The following PCDHGA3 variants were observed in gnomAD, a reference collection of about 807,000 sequenced individuals.
The protein encoded by PCDHGA3 is protocadherin gamma subfamily A, 3, also known as protocadherin gamma-A3.
A neutral mutation model predicts 58.5 loss-of-function variants in PCDHGA3; 40 were observed. That is an observed-to-expected ratio of 0.68 (90% confidence interval 0.53 to 0.89). The LOEUF (loss-of-function observed/expected upper bound fraction) is 0.89. Ranked by LOEUF, PCDHGA3 falls within the 40% of genes least tolerant of loss-of-function variation. PCDHGA3 has a pLI of 0.00. For missense variants in PCDHGA3, 1,223 were observed against 1,195.9 expected, an observed-to-expected ratio of 1.02 and a Z score of -0.33; for synonymous variants, 530 against 525.7, an observed-to-expected ratio of 1.01 and a Z score of -0.11.
intron 1 of PCDHGA3, chr5:141,364,735 T>G (rs1763510715): frequency 1.2e-6 from 2 of 1,613,916 alleles, no homozygotes; most frequent in Non-Finnish European, 1.7e-6. Context: ...GTTTCCGGGA[T>G]GAAGAGTTAA....
chr5:141,505,118 C>T (rs544825360), intron 2 of PCDHGA3, among the ~76,000 whole-genome samples: 32 of 152,222 alleles, frequency 2.1e-4, no homozygotes, highest in African/African-American at 7.5e-4. Flanking sequence ...GCCAAGATCG[C>T]GCCACTGCAC....
chr5:141,404,195 G>A (rs1472875979), intron 1 of PCDHGA3: 1 of 1,613,400 alleles, frequency 6.2e-7, no homozygotes, highest in East Asian at 2.2e-5. Context: ...CCGAGAAAAA[G>A]CCTCAGAATA....
Position 141,409,958 on chromosome 5 carries a change from T to C in PCDHGA3, c.2424+63501T>C. ...GGTACCTCGCTCTGCAGAGCCCGGC[T>C]ACCTAGTGACTAAGGTGGTAGCGGT... On this transcript the variant is annotated intron_variant, in intron 1 of 3. Transcript: ENST00000253812. 6.2e-7 allele frequency: 1 copy of C among 1,613,394 alleles called. No individual in the cohort carries two copies.
intron 1 of PCDHGA3, chr5:141,355,887 CATA>C (rs759872200): frequency 1.1e-5 from 17 of 1,613,492 alleles, no homozygotes; most frequent in Non-Finnish European, 1.4e-5. Flanking sequence ...CCAGGATTCT[CATA>C]ATACTTGTGG....
At chr5:141,385,294 G>C (rs1781091106) in intron 1 of PCDHGA3, 2 of 1,613,150 alleles carry the variant, frequency 1.2e-6, no homozygotes, top group Non-Finnish European at 1.7e-6. Context: ...AGATTTTCAG[G>C]AATGTAAAGA....
chr5:141,415,968 C>T (rs1382830747), intron 1 of PCDHGA3: 2 of 390,600 alleles, frequency 5.1e-6, no homozygotes, highest in African/African-American at 2.1e-5. Context: ...ACTCCAGCCC[C>T]TTAAGCAACC....
chr5:141,483,660 G>GTCTGTA (rs2099584988), intron 1 of PCDHGA3, among the ~76,000 whole-genome samples: 1 of 152,094 alleles, frequency 6.6e-6, no homozygotes, highest in Non-Finnish European at 1.5e-5. Context: ...GTGTGTGTGT[G>GTCTGTA]TGTGTGTGTA....
chr5:141,478,384 T>G, intron 1 of PCDHGA3: 1 of 1,613,658 alleles, frequency 6.2e-7, no homozygotes, highest in South Asian at 1.1e-5. Context: ...CGCCGCACCT[T>G]TACCATCAGG....
At chr5:141,483,273 T>G (rs6860615) in intron 1 of PCDHGA3, among the ~76,000 whole-genome samples, 62,442 of 151,936 alleles carry the variant, frequency 0.41, 15,417 homozygotes, top group African/African-American at 0.7. Flanking sequence ...GTTTTAGAAA[T>G]ATTATTCTGT....
chr5:141,422,568 C>T (rs372115955), intron 1 of PCDHGA3: 91 of 1,613,904 alleles, frequency 5.6e-5, no homozygotes, highest in Non-Finnish European at 7.5e-5. Flanking sequence ...CAGATGACAA[C>T]GATAACCCTC....
rs115565444 is a variant in PCDHGA3 at position 141,487,520 on chromosome 5, G to C, written c.2425-7287G>C. 1 of 1,614,166 alleles carries C rather than the reference G, an allele frequency of 6.2e-7. No individual in the cohort carries two copies. Among genetic ancestry groups the C allele is most frequent in the Non-Finnish European group, 8.5e-7 (1 of 1,180,042 alleles). ...CTTGGCTTCTGCACCCACTCGGAGT[G>C]ATAGCTTCATGATGGTGAAGTCACC... On this transcript the variant is annotated intron_variant, in intron 1 of 3. Coordinates refer to ENST00000253812, the MANE Select transcript of PCDHGA3 (RefSeq NM_018916.4). The surrounding 1 kb of genome is among the most constrained non-coding windows in gnomAD (Gnocchi z 5.0).
At chr5:141,367,544 A>G (rs976258516) in intron 1 of PCDHGA3, 78 of 146,054 alleles carry the variant, frequency 5.3e-4, no homozygotes, top group African/African-American at 1.8e-3. Context: ...CTCAAAATAA[A>G]TAAATAAATA....
At chr5:141,409,652 A>G in intron 1 of PCDHGA3, 1 of 1,613,654 alleles carries the variant, frequency 6.2e-7, no homozygotes, top group Non-Finnish European at 8.5e-7. Flanking sequence ...TTTGGGGCTC[A>G]ATGGCCACAT....
chr5:141,443,254 G>A (rs185181143), intron 1 of PCDHGA3, among the ~76,000 whole-genome samples: 30 of 152,006 alleles, frequency 2.0e-4, no homozygotes, highest in Admixed American at 1.6e-3. Context: ...GCCAAGGCGG[G>A]TGGATCACTT....
At chr5:141,455,058 C>G (rs1350223657) in intron 1 of PCDHGA3, among the ~76,000 whole-genome samples, 9 of 151,814 alleles carry the variant, frequency 5.9e-5, no homozygotes, top group Admixed American at 5.9e-4. Context: ...GTGATCCGCC[C>G]GCCTCGGCCT....
chr5:141,444,001 C>G (rs2098413288), intron 1 of PCDHGA3, among the ~76,000 whole-genome samples: 1 of 151,914 alleles, frequency 6.6e-6, no homozygotes, highest in Non-Finnish European at 1.5e-5. Flanking sequence ...TTAAATGCTA[C>G]CTGGGTATTG....
At chr5:141,361,597 TCCTA>T in intron 1 of PCDHGA3, 1 of 1,614,048 alleles carries the variant, frequency 6.2e-7, no homozygotes, top group Non-Finnish European at 8.5e-7. Flanking sequence ...TGGCCAAGTT[TCCTA>T]CTCCATCGTA....
At chr5:141,410,097 T>G (rs745439318) in intron 1 of PCDHGA3, 3 of 1,612,664 alleles carry the variant, frequency 1.9e-6, no homozygotes, top group Non-Finnish European at 2.5e-6. Context: ...GCTCGAGCCT[T>G]AGGCGACAGG....
In PCDHGA3 at chr5:141,512,394, C is replaced by A. The variant is rs750967336; in HGVS notation, c.*1221C>A. 1 of 152,706 alleles carries A rather than the reference C, an allele frequency of 6.5e-6. No homozygotes were observed. The highest frequency in any genetic ancestry group is 1.5e-5 in the Non-Finnish European group (1 of 68,084). The allele number at this position is 152,706 out of a possible 1,614,324, so 9.5% of individuals were successfully genotyped here. ...GACCAAATGAACAGAAAGTCTCAGC[C>A]CAGGATGGGGCTTCTTCAACAGGGC... is the stretch of plus-strand genomic sequence containing the variant. On this transcript the variant is annotated 3_prime_UTR_variant, in exon 4 of 4. Transcript: ENST00000253812.
Sources: gnomAD v4.1 joint callset for allele counts (sites outside exome capture counted in the v4.1 genomes callset) on GRCh38, gnomAD v4.1.1 for gene constraint, Gnocchi (gnomAD v3.1) non-coding constraint, MANE v1.5 for transcripts, NCBI Gene and HGNC (gene_info 2026-07-23, HGNC 2026-07-21) for gene names.